Variants in PLCL2 observed in about 807,000 individuals in gnomAD.
PLCL2 encodes the protein phospholipase C like 2, also known as inactive phospholipase C-like protein 2.
PLCL2 carries 4 observed loss-of-function variants against 79.6 expected under a neutral mutation model. That is an observed-to-expected ratio of 0.05 (90% CI 0.02 to 0.11). The LOEUF (loss-of-function observed/expected upper bound fraction) is 0.11, where lower values mean the gene tolerates loss of function less well. PLCL2 is among the 10% of genes least tolerant of loss of function. PLCL2 has a pLI of 1.00. For missense variants in PLCL2, 895 were observed against 1,291.0 expected, an observed-to-expected ratio of 0.69 and a Z score of 4.70; for synonymous variants, 484 against 457.7, an observed-to-expected ratio of 1.06 and a Z score of -0.73.
At chr3:17,021,437 A>G (rs2064451853) in intron 3 of PLCL2, among the ~76,000 whole-genome samples, 1 of 152,182 alleles carries the variant, frequency 6.6e-6, no homozygotes, top group Non-Finnish European at 1.5e-5. Flanking sequence ...CCAGGCCACC[A>G]CACAGTGATC....
chr3:16,965,384 C>G (rs888155010), intron 1 of PLCL2, among the ~76,000 whole-genome samples: 11 of 152,058 alleles, frequency 7.2e-5, no homozygotes, highest in African/African-American at 2.7e-4. Context: ...GTCTATATGT[C>G]TGTTTTGGTA....
rs114787361 is a variant in PLCL2, at chr3:17,083,578, C to T, written c.3205-6155C>T. ...TTTAATTTGAGCTCTCTGGCTGTCA[C>T]GTTGAACATGGAGAAAGAAGACCAG... On this transcript the variant is annotated intron_variant, in intron 5 of 5. Coordinates refer to ENST00000615277, the MANE Select transcript of PLCL2 (RefSeq NM_001144382.2). Among the ~76,000 whole-genome samples the T allele has an allele frequency of 4.0e-3, 609 of 152,204 alleles. 4 individuals are homozygous for T. Among genetic ancestry groups the T allele is most frequent in the African/African-American group, 0.014 (590 of 41,520 alleles).
At chr3:16,940,055 G>A (rs1697641227) in intron 1 of PLCL2, among the ~76,000 whole-genome samples, 1 of 152,146 alleles carries the variant, frequency 6.6e-6, no homozygotes, top group Non-Finnish European at 1.5e-5. Context: ...ACCATGGAAA[G>A]TAAGAAAAGG....
intron 4 of PLCL2, among the ~76,000 whole-genome samples, chr3:17,065,721 A>G (rs1373724969): frequency 6.6e-6 from 1 of 152,238 alleles, no homozygotes; most frequent in Non-Finnish European, 1.5e-5. Flanking sequence ...CATCCAGTCA[A>G]GCAGTTGTAA....
intron 1 of PLCL2, among the ~76,000 whole-genome samples, chr3:16,892,844 A>C (rs1224640348): frequency 6.6e-6 from 1 of 152,146 alleles, no homozygotes; most frequent in Non-Finnish European, 1.5e-5. Context: ...GGGAATTTCC[A>C]AGCAAGGTTA....
chr3:17,017,758 G>T (rs2064402681), intron 3 of PLCL2, among the ~76,000 whole-genome samples: 1 of 152,146 alleles, frequency 6.6e-6, no homozygotes, highest in Non-Finnish European at 1.5e-5. Flanking sequence ...CAGTGCCATG[G>T]TACCTCCTAA....
intron 4 of PLCL2, among the ~76,000 whole-genome samples, chr3:17,062,573 CTTTA>C (rs1192465971): frequency 2.6e-5 from 4 of 152,150 alleles, no homozygotes; most frequent in Non-Finnish European, 5.9e-5. Context: ...TGAAGCCATA[CTTTA>C]TTTGAGACTT....
chr3:17,007,844 C>T (rs2064279448), intron 1 of PLCL2, among the ~76,000 whole-genome samples: 1 of 152,162 alleles, frequency 6.6e-6, no homozygotes, highest in African/African-American at 2.4e-5. Context: ...AACTCCCATC[C>T]CTATTTCTTA....
intron 1 of PLCL2, among the ~76,000 whole-genome samples, chr3:16,918,946 C>A (rs748594062): frequency 1.3e-5 from 2 of 152,030 alleles, no homozygotes; most frequent in Non-Finnish European, 2.9e-5. Flanking sequence ...ATCCACTAAT[C>A]CCAAAAGTTA....
At chr3:17,051,169 G>A (rs377702708) in intron 4 of PLCL2, among the ~76,000 whole-genome samples, 8 of 152,128 alleles carry the variant, frequency 5.3e-5, no homozygotes, top group East Asian at 1.9e-4. Context: ...AGGTCAGGGC[G>A]GGGGAGGTGG....
chr3:16,961,079 G>A (rs538094053), intron 1 of PLCL2, among the ~76,000 whole-genome samples: 2 of 152,306 alleles, frequency 1.3e-5, no homozygotes, highest in African/African-American at 4.8e-5. Context: ...TGAAATATAT[G>A]CTGTTGAGGT....
In PLCL2 at chr3:17,089,777, G is replaced by A; in HGVS notation, c.3249G>A (p.Glu1083=). The change falls in exon 6 of 6, where the codon GAG becomes GAA. Residue 1083 remains glutamate, a synonymous_variant. Coordinates refer to ENST00000615277, the MANE Select transcript of PLCL2 (RefSeq NM_001144382.2). Reference sequence around the variant, plus strand: ...AATATGCTAAGAATGAGACATTGGAGAACCTGAAACAAATCCATTTTGCTG... The same window carrying A: ...AATATGCTAAGAATGAGACATTGGAAAACCTGAAACAAATCCATTTTGCTG... ...LLKYAKNETL[E]NLKQIHFAAV... 6.2e-7 allele frequency: 1 copy of A among 1,613,180 alleles called. No individual in the cohort carries two copies. The highest frequency in any genetic ancestry group is 8.5e-7 in the Non-Finnish European group (1 of 1,179,354).
In PLCL2 at chr3:17,010,827, T is replaced by C. The variant is rs1402334030; in HGVS notation, c.1481T>C (p.Ile494Thr). 1 of 1,614,168 alleles carries C rather than the reference T, an allele frequency of 6.2e-7. No homozygotes were observed. Among genetic ancestry groups the C allele is most frequent in the Non-Finnish European group, 8.5e-7 (1 of 1,180,020 alleles). ...IYTGHTMTSQ[I>T]VFRSVIDIIN... ...ACAGGCCACACCATGACCTCTCAGATAGTTTTCCGCAGTGTCATTGATATT... is the reference window on the plus strand; with the variant it reads ...ACAGGCCACACCATGACCTCTCAGACAGTTTTCCGCAGTGTCATTGATATT... The change falls in exon 2 of 6, where the codon ATA becomes ACA. Residue 494 changes from isoleucine (I) to threonine (T), a missense_variant. Physicochemically the swap from Ile to Thr is moderately conservative, Grantham distance 89. Around this residue, in one of 6 missense-constraint regions of PLCL2, gnomAD observed 242 missense variants for 399.5 expected, o/e 0.61. Transcript: ENST00000615277. The surrounding 1 kb of genome is among the most constrained non-coding windows in gnomAD (Gnocchi z 5.8).
intron 1 of PLCL2, among the ~76,000 whole-genome samples, chr3:16,941,937 G>C (rs2063551364): frequency 6.6e-6 from 1 of 151,640 alleles, no homozygotes; most frequent in African/African-American, 2.4e-5. Flanking sequence ...GTTACTCCAT[G>C]AATTGTAAAC....
chr3:16,896,362 G>A (rs1696479921), intron 1 of PLCL2, among the ~76,000 whole-genome samples: 1 of 152,140 alleles, frequency 6.6e-6, no homozygotes, highest in South Asian at 2.1e-4. Context: ...ATCTTCCTTG[G>A]AATATACTGA....
At chr3:17,001,223 A>G (rs572031496) in intron 1 of PLCL2, among the ~76,000 whole-genome samples, 19 of 151,958 alleles carry the variant, frequency 1.3e-4, no homozygotes, top group Non-Finnish European at 2.4e-4. Flanking sequence ...GAAAATGTCT[A>G]TTTAGATAAT....
chr3:16,943,211 C>CT (rs2063568102), intron 1 of PLCL2, among the ~76,000 whole-genome samples: 1 of 152,172 alleles, frequency 6.6e-6, no homozygotes, highest in Admixed American at 6.5e-5. Context: ...TATCCTTGTG[C>CT]TTCTTGAAGT....
At chr3:16,972,921 C>G (rs1248861680) in intron 1 of PLCL2, among the ~76,000 whole-genome samples, 2 of 152,100 alleles carry the variant, frequency 1.3e-5, no homozygotes, top group Non-Finnish European at 2.9e-5. Context: ...ACAGTTGGTT[C>G]TTGCCTCTTT....
chr3:16,956,316 T>C (rs1390190612), intron 1 of PLCL2, among the ~76,000 whole-genome samples: 1 of 152,234 alleles, frequency 6.6e-6, no homozygotes, highest in East Asian at 1.9e-4. Context: ...GTTCTGTTTA[T>C]ATGCTGGATT....
Sources: gnomAD v4.1 joint callset for allele counts (sites outside exome capture counted in the v4.1 genomes callset) on GRCh38, gnomAD v4.1.1 for gene constraint, gnomAD v4.1.1 regional missense constraint, Gnocchi (gnomAD v3.1) non-coding constraint, MANE v1.5 for transcripts, NCBI Gene and HGNC (gene_info 2026-07-23, HGNC 2026-07-21) for gene names.